Variants in RBFOX2 observed in about 807,000 individuals in gnomAD.
The protein encoded by RBFOX2 is RNA binding fox-1 homolog 2.
Under a neutral mutation model 49.1 loss-of-function variants are expected in RBFOX2, and 10 were observed. That is an observed-to-expected ratio of 0.20 (90% CI 0.13 to 0.35). The LOEUF (loss-of-function observed/expected upper bound fraction) is 0.35. Ranked by LOEUF, RBFOX2 falls within the 10% of genes least tolerant of loss-of-function variation. The pLI, the probability that RBFOX2 is intolerant of heterozygous loss-of-function variation, is 1.00. For synonymous variants in RBFOX2, 183 were observed against 187.4 expected, an observed-to-expected ratio of 0.98 and a Z score of 0.19; for missense variants, 323 against 486.9, an observed-to-expected ratio of 0.66 and a Z score of 3.17.
chr22:35,930,797 T>C (rs2052309446), intron 1 of RBFOX2, among the ~76,000 whole-genome samples: 1 of 152,102 alleles, frequency 6.6e-6, no homozygotes, highest in Admixed American at 6.5e-5. Context: ...ACACCTGCAC[T>C]CCTGCCTGGG....
intron 1 of RBFOX2, among the ~76,000 whole-genome samples, chr22:35,875,802 A>G (rs972671376): frequency 2.0e-4 from 31 of 152,146 alleles, no homozygotes; most frequent in Admixed American, 5.2e-4. Flanking sequence ...GCCATCACAT[A>G]TTAAACTTTA....
intron 1 of RBFOX2, among the ~76,000 whole-genome samples, chr22:35,986,935 A>G (rs2150088638): frequency 6.6e-6 from 1 of 152,130 alleles, no homozygotes; most frequent in South Asian, 2.1e-4. Flanking sequence ...TCACTGGAAA[A>G]TAGAGTTTTG....
intron 1 of RBFOX2, among the ~76,000 whole-genome samples, chr22:35,944,202 A>C (rs2054013772): frequency 6.6e-6 from 1 of 152,222 alleles, no homozygotes; most frequent in South Asian, 2.1e-4. Context: ...TATTAAAAAT[A>C]ACTACAGGAC....
intron 2 of RBFOX2, among the ~76,000 whole-genome samples, chr22:35,807,411 A>C (rs1371714889): frequency 6.6e-5 from 10 of 152,146 alleles, no homozygotes; most frequent in African/African-American, 2.4e-4. Context: ...TGAAGCGCCA[A>C]AGAAATTAAA....
At chr22:35,748,059 C>T (rs528550809) in intron 9 of RBFOX2, 1 of 152,218 alleles carries the variant, frequency 6.6e-6, no homozygotes, top group East Asian at 1.9e-4. Flanking sequence ...GCTTCTAAAG[C>T]CTTTTGCTTC....
chr22:35,901,800 G>C (rs1303455007), intron 1 of RBFOX2, among the ~76,000 whole-genome samples: 1 of 152,074 alleles, frequency 6.6e-6, no homozygotes, highest in African/African-American at 2.4e-5. Flanking sequence ...GCATTATCTT[G>C]GCTGGGCGCG....
At chr22:35,854,175 G>A (rs757522850) in intron 1 of RBFOX2, among the ~76,000 whole-genome samples, 3 of 152,076 alleles carry the variant, frequency 2.0e-5, no homozygotes, top group Non-Finnish European at 4.4e-5. Context: ...CTGTGCCACT[G>A]CACTCCAGCC....
chr22:35,931,580 A>G (rs1036978053), intron 1 of RBFOX2, among the ~76,000 whole-genome samples: 2 of 151,998 alleles, frequency 1.3e-5, no homozygotes, highest in African/African-American at 2.4e-5. Flanking sequence ...TTCAAGACCA[A>G]CCTGGGCAAC....
At chr22:35,834,108 T>A (rs1225197339) in intron 1 of RBFOX2, among the ~76,000 whole-genome samples, 1 of 152,198 alleles carries the variant, frequency 6.6e-6, no homozygotes, top group East Asian at 1.9e-4. Flanking sequence ...GAATACCCAA[T>A]ACCTACAAGG....
intron 1 of RBFOX2, among the ~76,000 whole-genome samples, chr22:36,023,724 T>C (rs867206943): frequency 1.3e-5 from 2 of 152,240 alleles, no homozygotes; most frequent in Non-Finnish European, 2.9e-5. Flanking sequence ...AGCTTTCCAG[T>C]TGAGTTTGTC....
intron 1 of RBFOX2, among the ~76,000 whole-genome samples, chr22:36,017,598 T>C (rs1220363792): frequency 6.6e-6 from 1 of 152,010 alleles, no homozygotes; most frequent in East Asian, 1.9e-4. Context: ...AAGAGAAAGG[T>C]TAAGGTCCCT....
At chr22:35,974,965 G>A (rs570501423) in intron 1 of RBFOX2, among the ~76,000 whole-genome samples, 4 of 152,262 alleles carry the variant, frequency 2.6e-5, no homozygotes, top group South Asian at 2.1e-4. Flanking sequence ...TCAGTCTCTC[G>A]AAAGCACAGA....
chr22:35,820,147 C>G lies in RBFOX2; in HGVS notation c.28-10143G>C, dbSNP rs1453268036. On this transcript the variant is annotated intron_variant, in intron 1 of 11. Coordinates refer to ENST00000405409, the Ensembl canonical transcript of RBFOX2. ...GTTGATAGAAATCCTGTAAAGCTTA[C>G]AGCCACTGCAGGGAGGTTAGCTTTT... Among the ~76,000 whole-genome samples, 8 of 152,252 alleles carry G rather than the reference C, an allele frequency of 5.3e-5. No homozygotes were observed. In the South Asian group the frequency reaches 8.3e-4, roughly 16 times the overall value.
exon 12 of RBFOX2, chr22:35,739,909 C>T (rs1395968660): frequency 6.6e-6 from 1 of 152,662 alleles, no homozygotes; most frequent in African/African-American, 2.4e-5. Flanking sequence ...CGTTACCAAT[C>T]CCTGCCAACC....
chr22:35,979,815 C>A (rs1053347714), intron 1 of RBFOX2, among the ~76,000 whole-genome samples: 10 of 152,180 alleles, frequency 6.6e-5, no homozygotes, highest in African/African-American at 2.4e-4. Context: ...AAGGTTAAAA[C>A]GTGGTTCAAC....
Position 35,897,217 on chromosome 22 carries a change from C to T in RBFOX2, c.-34+41630G>A, listed in dbSNP as rs180819503. On this transcript the variant is annotated intron_variant, in intron 1 of 13. Coordinates refer to the RBFOX2 transcript ENST00000359369. ...CACCTGGCTGGGTGCTCAAACCACACGGGCTGACCCAAAAGACACCAAAAC... is the reference window on the plus strand; with the variant it reads ...CACCTGGCTGGGTGCTCAAACCACATGGGCTGACCCAAAAGACACCAAAAC... 2.3e-4 allele frequency: 249 copies of T among 1,089,380 alleles called. 2 individuals carry two copies. In the East Asian group the frequency reaches 5.1e-3, roughly 23 times the overall value. The allele number at this position is 1,089,380 out of a possible 1,614,324, so 67.5% of individuals were successfully genotyped here. A position where few individuals can be genotyped will look rare whatever the true frequency, so the allele number is the denominator to read the frequency against.
chr22:35,907,390 A>T (rs2049244527), intron 1 of RBFOX2, among the ~76,000 whole-genome samples: 1 of 152,202 alleles, frequency 6.6e-6, no homozygotes, highest in African/African-American at 2.4e-5. Context: ...CTTTGTGGAA[A>T]GGGGGAAATG....
chr22:35,836,623 A>G (rs1957729675), intron 1 of RBFOX2, among the ~76,000 whole-genome samples: 1 of 152,246 alleles, frequency 6.6e-6, no homozygotes, highest in Non-Finnish European at 1.5e-5. Flanking sequence ...GATTTTGAAG[A>G]AAATGCCAGC....
chr22:35,878,965 C>T (rs375857628), intron 1 of RBFOX2, among the ~76,000 whole-genome samples: 26 of 151,310 alleles, frequency 1.7e-4, no homozygotes, highest in East Asian at 5.9e-4. Flanking sequence ...CTCCTGACCT[C>T]GTGATCCACC....
Sources: allele counts gnomAD v4.1 joint callset (sites outside exome capture counted in the v4.1 genomes callset), GRCh38; gene constraint gnomAD v4.1.1; transcripts MANE v1.5; gene names NCBI Gene and HGNC (gene_info 2026-07-23, HGNC 2026-07-21).